The following STK17A variants were observed in gnomAD, a reference collection of about 807,000 sequenced individuals.
STK17A encodes the protein serine/threonine kinase 17a, also known as serine/threonine-protein kinase 17A.
A neutral mutation model predicts 43.7 loss-of-function variants in STK17A; 26 were observed. The ratio of observed to expected loss-of-function variants is 0.60; its 90% CI spans 0.44 to 0.83. The LOEUF (loss-of-function observed/expected upper bound fraction) is 0.83, where lower values mean the gene tolerates loss of function less well. Among genes scored for constraint, STK17A ranks in the 40% least tolerant of loss-of-function variants. STK17A has a pLI of 0.00. For synonymous variants in STK17A, 191 were observed against 182.5 expected (o/e 1.05, Z -0.38); for missense variants, 476 against 511.6 (o/e 0.93, Z 0.67).
rs1389970044 is a variant in STK17A at position 43,624,567 on chromosome 7, A to C, written c.970A>C (p.Ser324Arg). Residue 324 changes from serine to arginine, a missense_variant, in exon 7 of 7, where the codon AGC (serine) becomes CGC (arginine). Transcript: ENST00000319357. ...TCTAAAGCACCCCTGGTTGACACAG[A>C]GCAGTATTCAAGAGCCTTCTTTCAG... is the stretch of plus-strand genomic sequence containing the variant. ...ECLKHPWLTQ[S>R]SIQEPSFRME... 1 of 1,614,132 alleles carries C rather than the reference A, an allele frequency of 6.2e-7. No homozygotes were observed. The highest frequency in any genetic ancestry group is 1.7e-5 in the Admixed American group (1 of 60,026).
intron 4 of STK17A, chr7:43,622,187 C>G (rs2083965415): frequency 6.6e-6 from 1 of 152,222 alleles, no homozygotes; most frequent in South Asian, 2.1e-4. Flanking sequence ...TTTACTGTTT[C>G]TTCCCCGGTA....
intron 2 of STK17A, 105 bp downstream of exon 2, chr7:43,596,218 C>A: frequency 9.3e-7 from 1 of 1,073,410 alleles, no homozygotes; most frequent in East Asian, 2.6e-5. Flanking sequence ...CTCTGGAAAT[C>A]TCAGAATTTT....
intron 3 of STK17A, among the ~76,000 whole-genome samples, chr7:43,612,399 C>T (rs1001792097): frequency 6.6e-6 from 1 of 152,222 alleles, no homozygotes; most frequent in African/African-American, 2.4e-5. Context: ...TGAAGTGAGT[C>T]TGCTGTCCTC....
intron 2 of STK17A, among the ~76,000 whole-genome samples, chr7:43,607,431 G>A (rs992171710): frequency 6.6e-6 from 1 of 151,600 alleles, no homozygotes; most frequent in South Asian, 2.1e-4. Flanking sequence ...GGTGGCTCAC[G>A]AGGTCAAGGA....
chr7:43,622,321 G>A (rs1046413606), intron 4 of STK17A: 2 of 152,078 alleles, frequency 1.3e-5, no homozygotes, highest in South Asian at 2.1e-4. Context: ...AGCATACCTC[G>A]CATTTCCTTT....
In STK17A at chr7:43,583,441, G is replaced by A; in HGVS notation, c.198G>A (p.Glu66=). 7.4e-7 allele frequency: 1 copy of A among 1,358,570 alleles called. No homozygotes were observed. The highest frequency in any genetic ancestry group is 9.5e-7 in the Non-Finnish European group (1 of 1,057,656). The allele number at this position is 1,358,570 out of a possible 1,614,324, so 84.2% of individuals were successfully genotyped here. The change falls in exon 1 of 7, where the codon GAG becomes GAA. Residue 66 remains glutamate, a synonymous_variant. Transcript: ENST00000319357. The stretch of plus-strand genomic sequence containing the variant: ...GCTACAGCCTGTGCCCGGGCCGGGA[G>A]CTGGGCAGGTGAGGACGGGCGGGGC... ...QDGYSLCPGR[E]LGRGKFAVVR...
chr7:43,594,089 A>G (rs2082498508), intron 1 of STK17A, among the ~76,000 whole-genome samples: 2 of 152,142 alleles, frequency 1.3e-5, no homozygotes, highest in Admixed American at 1.3e-4. Flanking sequence ...CTGAGCCATA[A>G]TAGGGAGTCA....
At chr7:43,608,944 G>A (rs2082655091) in intron 3 of STK17A, 1 of 152,184 alleles carries the variant, frequency 6.6e-6, no homozygotes, top group Non-Finnish European at 1.5e-5. Flanking sequence ...ATTAGAGGCA[G>A]GTAGATTTCT....
intron 3 of STK17A, among the ~76,000 whole-genome samples, chr7:43,617,870 A>C (rs2083488476): frequency 6.6e-6 from 1 of 152,192 alleles, no homozygotes; most frequent in Non-Finnish European, 1.5e-5. Context: ...AGGAGATGGA[A>C]GACACAGCCA....
In STK17A at chr7:43,583,274, G is replaced by A; in HGVS notation, c.31G>A (p.Gly11Ser). The A allele has an allele frequency of 6.5e-7, 1 of 1,545,200 alleles. No homozygotes were observed. Among genetic ancestry groups the A allele is most frequent in the Non-Finnish European group, 8.7e-7 (1 of 1,148,600 alleles). Residue 11 changes from glycine to serine, a missense_variant, in exon 1 of 7, where the codon GGC becomes AGC. By Grantham distance (56) the Gly-to-Ser change is moderately conservative (BLOSUM62 0). This residue lies in a region of STK17A where 320 missense variants were observed against 326.3 expected (regional missense o/e 0.98). Coordinates refer to ENST00000319357, the MANE Select transcript of STK17A (RefSeq NM_004760.3). Reference sequence around the variant, plus strand: ...CCCTTTGGAGAAGCCAGGCAGCGGCGGCTCCTCCCCAGGCGCCACCTCAGG... The same window carrying A: ...CCCTTTGGAGAAGCCAGGCAGCGGCAGCTCCTCCCCAGGCGCCACCTCAGG... MIPLEKPGSG[G>S]SSPGATSGSG...
At chr7:43,599,592 C>A (rs909018574) in intron 2 of STK17A, among the ~76,000 whole-genome samples, 4 of 152,160 alleles carry the variant, frequency 2.6e-5, no homozygotes, top group Admixed American at 2.6e-4. Context: ...TCATATTGGG[C>A]CTCCCCAGTA....
At position 43,612,769 on chromosome 7, in the gene STK17A, C is replaced by T. The variant is rs369734089; in HGVS notation, c.564+4369C>T. On this transcript the variant is annotated intron_variant, in intron 3 of 6. Coordinates refer to ENST00000319357, the MANE Select transcript of STK17A (RefSeq NM_004760.3). ...TGCCAAAAGACTGATTCACTGAAGA[C>T]TGTCAGCCAAATATCTTAAATAGAG... 6.6e-5 allele frequency among the ~76,000 whole-genome samples: 10 copies of T among 151,486 alleles called. No homozygotes were observed. In the South Asian group the frequency reaches 2.1e-3, roughly 31 times the overall value.
intron 2 of STK17A, among the ~76,000 whole-genome samples, chr7:43,597,573 G>A (rs1281710588): frequency 6.6e-6 from 1 of 152,062 alleles, no homozygotes; most frequent in Non-Finnish European, 1.5e-5. Flanking sequence ...TTTTTTTAGA[G>A]ATGGGGTTTC....
intron 2 of STK17A, among the ~76,000 whole-genome samples, chr7:43,601,449 G>T (rs1010641460): frequency 2.6e-5 from 4 of 152,096 alleles, no homozygotes; most frequent in Admixed American, 2.0e-4. Context: ...CCAAGGATTT[G>T]TTTTTTTCTG....
At chr7:43,603,728 A>G (rs1487761609) in intron 2 of STK17A, among the ~76,000 whole-genome samples, 1 of 152,230 alleles carries the variant, frequency 6.6e-6, no homozygotes, top group Admixed American at 6.5e-5. Context: ...AGGTATGTGT[A>G]AGTGTAAACT....
At chr7:43,613,862 CATTA>C (rs2083098472) in intron 3 of STK17A, among the ~76,000 whole-genome samples, 1 of 152,072 alleles carries the variant, frequency 6.6e-6, no homozygotes, top group Non-Finnish European at 1.5e-5. Flanking sequence ...TTTATTAAAA[CATTA>C]ATTTCTAAAA....
At chr7:43,607,170 G>A (rs894492684) in intron 2 of STK17A, among the ~76,000 whole-genome samples, 1 of 151,798 alleles carries the variant, frequency 6.6e-6, no homozygotes, top group African/African-American at 2.4e-5. Flanking sequence ...TGATCTGCCT[G>A]CCTCAGCCTC....
At chr7:43,609,514 G>A (rs1379417518) in intron 3 of STK17A, 2 of 152,212 alleles carry the variant, frequency 1.3e-5, no homozygotes, top group Non-Finnish European at 2.9e-5. Flanking sequence ...ACAAAGAATG[G>A]GTGCTCAGGA....
In STK17A at chr7:43,625,753, C is replaced by CAGAGAGAGAGAGAGAGAGAGAGAGAGAG. The variant is rs3832501; in HGVS notation, c.*935_*936insAGAGAGAGAGAGAGAGAGAGAGAGAGAG. ...CCAAAGTGAGTAAAATCCCCTAGAGCAGAGAGAGAGAGAGAGAGAGAGAGT... is the reference window on the plus strand; with the variant it reads ...CCAAAGTGAGTAAAATCCCCTAGAGCAGAGAGAGAGAGAGAGAGAGAGAGAGAGAGAGAGAGAGAGAGAGAGAGAGAGT... On this transcript the variant is annotated 3_prime_UTR_variant, in exon 7 of 7. Transcript: ENST00000319357. 6.7e-6 allele frequency: 1 copy of CAGAGAGAGAGAGAGAGAGAGAGAGAGAG among 149,584 alleles called. No homozygotes were observed. The highest frequency in any genetic ancestry group is 1.5e-5 in the Non-Finnish European group (1 of 67,496). 9.3% of individuals were successfully genotyped at this position (149,584 alleles called of 1,614,324 possible).
Sources: gnomAD v4.1 joint callset for allele counts (sites outside exome capture counted in the v4.1 genomes callset) on GRCh38, gnomAD v4.1.1 for gene constraint, gnomAD v4.1.1 regional missense constraint, MANE v1.5 for transcripts, NCBI Gene and HGNC (gene_info 2026-07-23, HGNC 2026-07-21) for gene names.